Variants in GRAMD1B observed in about 807,000 individuals in gnomAD.
GRAMD1B encodes the protein GRAM domain containing 1B, also known as protein Aster-B.
Under a neutral mutation model 99.7 loss-of-function variants are expected in GRAMD1B, and 37 were observed. The observed-to-expected ratio is 0.37, with a 90% confidence interval of 0.29 to 0.49. The LOEUF (loss-of-function observed/expected upper bound fraction) is 0.49. Among genes scored for constraint, GRAMD1B ranks in the 20% least tolerant of loss-of-function variants. GRAMD1B has a pLI of 0.98. For synonymous variants in GRAMD1B, 427 were observed against 387.6 expected (o/e 1.10, Z -1.19); for missense variants, 888 against 1,009.2 (o/e 0.88, Z 1.63).
intron 2 of GRAMD1B, among the ~76,000 whole-genome samples, chr11:123,504,110 C>T (rs1259255919): frequency 2.6e-5 from 4 of 152,158 alleles, no homozygotes; most frequent in Non-Finnish European, 5.9e-5. Flanking sequence ...GTTTCTGTTG[C>T]TTGTTGCGGG....
intron 2 of GRAMD1B, among the ~76,000 whole-genome samples, chr11:123,507,770 GT>G (rs1429604507): frequency 1.3e-5 from 2 of 152,002 alleles, no homozygotes; most frequent in Non-Finnish European, 2.9e-5. Flanking sequence ...GCCATCTTCA[GT>G]TTAAAAAAAG....
intron 2 of GRAMD1B, among the ~76,000 whole-genome samples, chr11:123,481,956 T>C (rs1213967911): frequency 6.6e-6 from 1 of 152,172 alleles, no homozygotes; most frequent in Admixed American, 6.6e-5. Context: ...TATCAACTTA[T>C]GGTGGACCCT....
chr11:123,527,452 G>A (rs1002010639), intron 2 of GRAMD1B, among the ~76,000 whole-genome samples: 2 of 152,170 alleles, frequency 1.3e-5, no homozygotes, highest in South Asian at 2.1e-4. Context: ...CAAGAACTGC[G>A]AGTTCCCAGG....
At chr11:123,608,860 T>C (rs1953119139) in intron 12 of GRAMD1B, 58 bp downstream of exon 12, 3 of 1,147,044 alleles carry the variant, frequency 2.6e-6, no homozygotes, top group South Asian at 3.0e-5. Flanking sequence ...ACTTCTTCCC[T>C]CTCTACATTT....
chr11:123,500,038 G>T (rs1339666448), intron 2 of GRAMD1B, among the ~76,000 whole-genome samples: 1 of 152,118 alleles, frequency 6.6e-6, no homozygotes, highest in Non-Finnish European at 1.5e-5. Flanking sequence ...TGTAAATAAG[G>T]GTATTTTGGC....
chr11:123,490,312 A>G (rs2714084), intron 2 of GRAMD1B, among the ~76,000 whole-genome samples: 64,879 of 151,960 alleles, frequency 0.43, 15,865 homozygotes, highest in African/African-American at 0.67. Flanking sequence ...AGATGATATG[A>G]ATGAGATGAG....
In GRAMD1B at chr11:123,623,787, G is replaced by C. The variant is rs1955344712; in HGVS notation, c.*1192G>C. 1.3e-5 allele frequency: 2 copies of C among 152,292 alleles called. No homozygotes were observed. The allele number at this position is 152,292 out of a possible 1,614,324, so 9.4% of individuals were successfully genotyped here. On this transcript the variant is annotated 3_prime_UTR_variant, in exon 20 of 20. Coordinates refer to ENST00000635736, the MANE Select transcript of GRAMD1B (RefSeq NM_001387025.1). Reference sequence around the variant, plus strand: ...TGGCAAAGGTGCATGTGTTTGGGCAGGAAAAGGCCAAGTGAAATCTATGCC... The same window carrying C: ...TGGCAAAGGTGCATGTGTTTGGGCACGAAAAGGCCAAGTGAAATCTATGCC...
chr11:123,368,679 C>CA (rs58877377), intron 1 of GRAMD1B, among the ~76,000 whole-genome samples: 65,522 of 78,168 alleles, frequency 0.84, 27,814 homozygotes, highest in East Asian at 0.91. Flanking sequence ...GACTCTGTCT[C>CA]AAAAAAAAAA....
chr11:123,451,561 GA>G (rs1442636932), intron 1 of GRAMD1B, among the ~76,000 whole-genome samples: 3 of 152,134 alleles, frequency 2.0e-5, no homozygotes, highest in African/African-American at 7.2e-5. Context: ...GAAACATAAA[GA>G]CCAAACATTT....
chr11:123,412,771 A>G (rs59437754), intron 1 of GRAMD1B, among the ~76,000 whole-genome samples: 1 of 151,736 alleles, frequency 6.6e-6, no homozygotes, highest in East Asian at 1.9e-4. Context: ...TCATTTTTTA[A>G]TAAAAAAAAA....
intron 1 of GRAMD1B, among the ~76,000 whole-genome samples, chr11:123,433,564 G>A (rs1458040706): frequency 6.6e-6 from 1 of 152,140 alleles, no homozygotes; most frequent in East Asian, 1.9e-4. Flanking sequence ...TGTGGTGTGA[G>A]GATCACATGA....
At chr11:123,465,794 A>G (rs910706063) in intron 1 of GRAMD1B, among the ~76,000 whole-genome samples, 1 of 150,994 alleles carries the variant, frequency 6.6e-6, no homozygotes, top group Non-Finnish European at 1.5e-5. Context: ...AAAAAGAAAC[A>G]CACTTAGGAA....
chr11:123,509,878 C>T (rs1048719831), intron 2 of GRAMD1B: 7 of 152,296 alleles, frequency 4.6e-5, no homozygotes, highest in African/African-American at 1.2e-4. Flanking sequence ...TCAGACTGCT[C>T]GGAGAGAGCC....
At chr11:123,604,412 A>G (rs1248567313) in intron 9 of GRAMD1B, among the ~76,000 whole-genome samples, 2 of 152,200 alleles carry the variant, frequency 1.3e-5, no homozygotes, top group Non-Finnish European at 2.9e-5. Context: ...ACGGGAAGGA[A>G]GTGAAGCAGA....
intron 2 of GRAMD1B, among the ~76,000 whole-genome samples, chr11:123,561,812 T>C (rs890827086): frequency 1.6e-4 from 25 of 152,162 alleles, no homozygotes; most frequent in African/African-American, 5.8e-4. Context: ...TTAGAGAAGT[T>C]TGGAACCAAG....
At chr11:123,476,661 G>C (rs1951293675) in intron 1 of GRAMD1B, among the ~76,000 whole-genome samples, 1 of 152,214 alleles carries the variant, frequency 6.6e-6, no homozygotes, top group South Asian at 2.1e-4. Context: ...GTGAATATTT[G>C]TATGTCTTAG....
intron 2 of GRAMD1B, among the ~76,000 whole-genome samples, chr11:123,548,325 T>TATATATATATATGCAC (rs1555067740): frequency 1.2e-5 from 1 of 86,842 alleles, no homozygotes; most frequent in Non-Finnish European, 2.1e-5. Flanking sequence ...TATATATATA[T>TATATATATATATGCAC]ACACACACAC....
At chr11:123,456,645 C>T (rs965351557) in intron 1 of GRAMD1B, among the ~76,000 whole-genome samples, 2 of 151,594 alleles carry the variant, frequency 1.3e-5, no homozygotes, top group Non-Finnish European at 2.9e-5. Flanking sequence ...TGTGGCCAGG[C>T]GCAATGACTC....
intron 14 of GRAMD1B, among the ~76,000 whole-genome samples, chr11:123,612,475 G>A (rs956176946): frequency 6.6e-6 from 1 of 152,182 alleles, no homozygotes; most frequent in African/African-American, 2.4e-5. Flanking sequence ...AGACCCCTGA[G>A]AGGAGGCAGT....
Sources: gnomAD v4.1 joint callset for allele counts (sites outside exome capture counted in the v4.1 genomes callset) on GRCh38, gnomAD v4.1.1 for gene constraint, MANE v1.5 for transcripts, NCBI Gene and HGNC (gene_info 2026-07-23, HGNC 2026-07-21) for gene names.